LYSMD1: variants seen among roughly 807,000 people sequenced by gnomAD.
The protein encoded by LYSMD1 is LysM domain containing 1.
LYSMD1 carries 9 observed loss-of-function variants against 19.3 expected under a neutral mutation model. The ratio of observed to expected loss-of-function variants is 0.47; its 90% CI spans 0.28 to 0.81. LYSMD1 has a LOEUF of 0.81. Ranked by LOEUF, LYSMD1 falls within the 40% of genes least tolerant of loss-of-function variation. The pLI is 0.11. For missense variants in LYSMD1, 262 were observed against 279.8 expected (o/e 0.94, Z 0.45); for synonymous variants, 111 against 111.7 (o/e 0.99, Z 0.04).
chr1:151,155,473 C>T (rs761186174), downstream of LYSMD1, among the ~76,000 whole-genome samples: 34 of 152,292 alleles, frequency 2.2e-4, no homozygotes, highest in Middle Eastern at 3.4e-3. Flanking sequence ...CAGTGGCTCA[C>T]GCCTGTAATC....
chr1:151,157,080 C>G (rs1683246939), downstream of LYSMD1, among the ~76,000 whole-genome samples: 1 of 152,028 alleles, frequency 6.6e-6, no homozygotes, highest in African/African-American at 2.4e-5. Context: ...GAGACTGAAA[C>G]AGGGAGAGAG....
chr1:151,165,113 G>T lies in LYSMD1; in HGVS notation c.146C>A (p.Thr49Asn), dbSNP rs1683625172. The T allele has an allele frequency of 6.2e-7, 1 of 1,614,028 alleles. No individual in the cohort carries two copies. The highest frequency in any genetic ancestry group is 1.1e-5 in the South Asian group (1 of 91,084). ...RLEHQLEPGDTLAGLALKYGV... is the reference protein window; with the variant it reads ...RLEHQLEPGDNLAGLALKYGV... Reference sequence around the variant, plus strand: ...ATATTTGAGTGCTAGTCCAGCCAGGGTGTCTCCGGGCTCCAACTGATGCTC... The same window carrying T: ...ATATTTGAGTGCTAGTCCAGCCAGGTTGTCTCCGGGCTCCAACTGATGCTC... Residue 49 changes from threonine (T) to asparagine (N), a missense_variant, in exon 1 of 3, where the codon ACC (threonine) becomes AAC (asparagine). Coordinates refer to ENST00000368908, the MANE Select transcript of LYSMD1 (RefSeq NM_212551.5).
chr1:151,158,828 G>A (rs763183066), downstream of LYSMD1: 8 of 1,613,932 alleles, frequency 5.0e-6, no homozygotes, highest in East Asian at 2.2e-5. Context: ...GAGCTCTACC[G>A]TGTGTCCAAG....
chr1:151,159,176 A>G, downstream of LYSMD1: 2 of 1,614,136 alleles, frequency 1.2e-6, no homozygotes, highest in Non-Finnish European at 1.7e-6. Flanking sequence ...ACGGCCCTCT[A>G]TGGGCCTGAC....
downstream of LYSMD1, chr1:151,158,592 G>A (rs1683312104): frequency 1.8e-5 from 20 of 1,117,442 alleles, no homozygotes; most frequent in South Asian, 3.1e-4. Flanking sequence ...ATGATGACAT[G>A]GAAACTAAAG....
chr1:151,165,711 C>A lies in LYSMD1; in HGVS notation c.-453G>T, dbSNP rs1033731265. The stretch of plus-strand genomic sequence containing the variant: ...ACCCCAGGTGAACTGTCGCCGCAGA[C>A]GAAGAGCGTGAGGATTGCAAGAATT... On this transcript the variant is annotated 5_prime_UTR_variant, in exon 1 of 3. Coordinates refer to ENST00000368908, the MANE Select transcript of LYSMD1 (RefSeq NM_212551.5). 7.7e-5 allele frequency: 119 copies of A among 1,551,590 alleles called. No homozygotes were observed. The highest frequency in any genetic ancestry group is 1.0e-4 in the Non-Finnish European group (115 of 1,146,998).
chr1:151,149,794 C>T, the LYSMD1 span, among the ~76,000 whole-genome samples: 32 of 152,192 alleles, frequency 2.1e-4, no homozygotes, highest in Admixed American at 1.3e-4. Context: ...ATTGGAAAAG[C>T]ACTCTCTTCC....
rs966353166 is a variant in LYSMD1 at position 151,159,826 on chromosome 1, T to G, written c.*1056A>C. On this transcript the variant is annotated 3_prime_UTR_variant, in exon 3 of 3. Coordinates refer to ENST00000368908, the MANE Select transcript of LYSMD1 (RefSeq NM_212551.5). The stretch of plus-strand genomic sequence containing the variant: ...CAGAAGAAAGGAGGTATATAAACAT[T>G]ACTTATCTCACCTCTCATCATTTCC... 2.4e-5 allele frequency: 4 copies of G among 167,656 alleles called. No individual in the cohort carries two copies. The highest frequency in any genetic ancestry group is 9.7e-5 in the African/African-American group (4 of 41,444). 10.4% of individuals were successfully genotyped at this position (167,656 alleles called of 1,614,324 possible). A position where few individuals can be genotyped will look rare whatever the true frequency, so the allele number is the denominator to read the frequency against.
chr1:151,161,606 G>T lies in LYSMD1; in HGVS notation c.545+130C>A. On this transcript the variant is annotated intron_variant, in intron 2 of 2. Coordinates refer to ENST00000368908, the MANE Select transcript of LYSMD1 (RefSeq NM_212551.5). ...CATCACCTCTGCTCATTATCTTGGG[G>T]CCACATGGGGGAAAGGTATCACCTT... is the stretch of plus-strand genomic sequence containing the variant. 2 of 1,190,896 alleles carry T rather than the reference G, an allele frequency of 1.7e-6. 1 individual carries two copies. The highest frequency in any genetic ancestry group is 3.1e-5 in the South Asian group (2 of 64,712). The allele number at this position is 1,190,896 out of a possible 1,614,324, so 73.8% of individuals were successfully genotyped here.
At position 151,161,902 on chromosome 1, in the gene LYSMD1, CTT is replaced by C. The variant is rs1484105343; in HGVS notation, c.377_378del (p.Gln126ArgfsTer10). 2.5e-6 allele frequency: 4 copies of C among 1,613,664 alleles called. No homozygotes were observed. Among genetic ancestry groups the C allele is most frequent in the Non-Finnish European group, 3.4e-6 (4 of 1,179,616 alleles). Reference sequence around the variant, plus strand: ...CCATTGGCACGTCCTGCTCCTGTCTCTTGTTTCTTCCTCTCAGTTGAGTGTGG... The same window carrying C: ...CCATTGGCACGTCCTGCTCCTGTCTCGTTTCTTCCTCTCAGTTGAGTGTGG... ...VWPHSTERKK[Q>X]ETGAGRANGE... On this transcript the variant is annotated frameshift_variant, in exon 2 of 3. Transcript: ENST00000368908. LOFTEE classifies it high-confidence loss of function.
chr1:151,164,863 C>G (rs1313177034), intron 1 of LYSMD1, among the ~76,000 whole-genome samples: 1 of 152,210 alleles, frequency 6.6e-6, no homozygotes, highest in African/African-American at 2.4e-5. Context: ...GCCCTCAGCA[C>G]AGTGTCTGGC....
Position 151,165,858 on chromosome 1 carries a change from T to C in LYSMD1, c.-600A>G. Reference sequence around the variant, plus strand: ...TCCAAACGCCTCAGATCCGCCAAGATGCAAGGGCCTGGATCCAGTTGAGCG... The same window carrying C: ...TCCAAACGCCTCAGATCCGCCAAGACGCAAGGGCCTGGATCCAGTTGAGCG... On this transcript the variant is annotated 5_prime_UTR_variant, in exon 1 of 3. Coordinates refer to ENST00000368908, the MANE Select transcript of LYSMD1 (RefSeq NM_212551.5). 4.1e-6 allele frequency: 5 copies of C among 1,221,128 alleles called. No homozygotes were observed. Among genetic ancestry groups the C allele is most frequent in the Non-Finnish European group, 5.9e-6 (5 of 845,358 alleles). 75.6% of individuals were successfully genotyped at this position (1,221,128 alleles called of 1,614,324 possible).
chr1:151,149,323 G>A, the LYSMD1 span, among the ~76,000 whole-genome samples: 1 of 152,150 alleles, frequency 6.6e-6, no homozygotes, highest in Admixed American at 6.5e-5. Flanking sequence ...TTGAACTCAG[G>A]TGACAGGAGA....
At chr1:151,154,437 T>C in the LYSMD1 span, among the ~76,000 whole-genome samples, 1 of 141,186 alleles carries the variant, frequency 7.1e-6, no homozygotes, top group East Asian at 2.1e-4. Context: ...ATCGCATCAC[T>C]GCACTCCAGC....
intron 1 of LYSMD1, among the ~76,000 whole-genome samples, chr1:151,163,758 G>A (rs954768665): frequency 6.6e-6 from 1 of 151,844 alleles, no homozygotes; most frequent in Non-Finnish European, 1.5e-5. Context: ...GTACTCCCGA[G>A]CTCAAGCAAT....
In LYSMD1 at chr1:151,160,828, C is replaced by A. The variant is rs587654475; in HGVS notation, c.*54G>T. 2.7e-5 allele frequency: 42 copies of A among 1,583,322 alleles called. No homozygotes were observed. Among genetic ancestry groups the A allele is most frequent in the Non-Finnish European group, 3.3e-5 (38 of 1,155,928 alleles). ...CTTGAGCCTCACCTCAGGCTCCTCT[C>A]CCCCTGAAGTTTCTCTTTCAACATC... is the stretch of plus-strand genomic sequence containing the variant. On this transcript the variant is annotated 3_prime_UTR_variant, in exon 3 of 3. Coordinates refer to ENST00000368908, the MANE Select transcript of LYSMD1 (RefSeq NM_212551.5).
chr1:151,149,252 C>T, the LYSMD1 span, among the ~76,000 whole-genome samples: 31 of 151,860 alleles, frequency 2.0e-4, no homozygotes, highest in South Asian at 5.6e-3. Flanking sequence ...AAAAATTAGC[C>T]GGGTGTGGTG....
At chr1:151,157,603 C>T (rs754161675), downstream of LYSMD1, among the ~76,000 whole-genome samples, 3 of 152,106 alleles carry the variant, frequency 2.0e-5, no homozygotes, top group Non-Finnish European at 4.4e-5. Context: ...GGGAGCATTC[C>T]GGGGAAGGAG....
chr1:151,160,891 G>T lies in LYSMD1; in HGVS notation c.675C>A (p.Phe225Leu), dbSNP rs781260515. The change falls in exon 3 of 3, where the codon TTC (phenylalanine) becomes TTA (leucine). Residue 225 changes from phenylalanine (F) to leucine (L), a missense_variant. Coordinates refer to ENST00000368908, the MANE Select transcript of LYSMD1 (RefSeq NM_212551.5). ...RTLRDQEDEI[F>L]KL ...GTCAGTTCTGGGGACATCAGAGTTT[G>T]AAGATTTCATCCTCCTGGTCCCGTA... The T allele has an allele frequency of 3.7e-6, 6 of 1,613,824 alleles. No homozygotes were observed. The highest frequency in any genetic ancestry group is 2.2e-5 in the South Asian group (2 of 91,080).
Sources: allele counts gnomAD v4.1 joint callset (sites outside exome capture counted in the v4.1 genomes callset), GRCh38; gene constraint gnomAD v4.1.1; transcripts MANE v1.5; gene names NCBI Gene and HGNC (gene_info 2026-07-23, HGNC 2026-07-21).